The following CLSTN1 variants were observed in gnomAD, a reference collection of about 807,000 sequenced individuals.
CLSTN1 encodes the protein calsyntenin-1.
In CLSTN1, 28 loss-of-function variants were observed where a neutral mutation model predicts 108.3. The ratio of observed to expected loss-of-function variants is 0.26; its 90% CI spans 0.19 to 0.35. The LOEUF (loss-of-function observed/expected upper bound fraction) is 0.35, where lower values mean the gene tolerates loss of function less well. CLSTN1 is among the 10% of genes least tolerant of loss of function. The pLI, the probability that CLSTN1 is intolerant of heterozygous loss-of-function variation, is 1.00. For synonymous variants in CLSTN1, 524 were observed against 534.9 expected (o/e 0.98, Z 0.28); for missense variants, 1,157 against 1,302.6 (o/e 0.89, Z 1.72).
chr1:9,731,142 C>T lies in CLSTN1; in HGVS notation c.2748+64G>A, dbSNP rs529893337. 3.8e-6 allele frequency: 6 copies of T among 1,592,132 alleles called. No homozygotes were observed. The African/African-American group carries it at 4.0e-5, about 11-fold the overall frequency. On this transcript the variant is annotated intron_variant, in intron 18 of 18. Transcript: ENST00000377298. ...TGAACCTGAAGGAGCCGCGCCGTAC[C>T]GGCTTCTCGGAGGCCCTGGCCTGTG... is the stretch of plus-strand genomic sequence containing the variant.
At chr1:9,736,335 AC>A (rs1650689952) in intron 11 of CLSTN1, among the ~76,000 whole-genome samples, 1 of 152,056 alleles carries the variant, frequency 6.6e-6, no homozygotes, top group Non-Finnish European at 1.5e-5. Context: ...AAGGTGGCCT[AC>A]CCTGTTCTCA....
At chr1:9,805,198 T>A (rs76287522) in intron 1 of CLSTN1, among the ~76,000 whole-genome samples, 1 of 152,142 alleles carries the variant, frequency 6.6e-6, no homozygotes, top group Non-Finnish European at 1.5e-5. Context: ...TTGAACTAAC[T>A]CTCATTTCGT....
intron 5 of CLSTN1, chr1:9,750,305 C>T (rs116003481): frequency 0.023 from 4,147 of 183,650 alleles, 69 homozygotes; most frequent in Non-Finnish European, 0.032. Flanking sequence ...GATTTCCTAC[C>T]CCCACCTGCT....
At chr1:9,794,832 C>T (rs887527937) in intron 1 of CLSTN1, among the ~76,000 whole-genome samples, 1 of 151,396 alleles carries the variant, frequency 6.6e-6, no homozygotes, top group Non-Finnish European at 1.5e-5. Flanking sequence ...TTTCCAAGTT[C>T]TGTATGTGTT....
At chr1:9,823,973 G>C (rs959460265), upstream of CLSTN1, 1 of 156,176 alleles carries the variant, frequency 6.4e-6, no homozygotes, top group Non-Finnish European at 1.4e-5. This position sits in a 1 kb window ranked among gnomAD's most constrained non-coding sequence, Gnocchi z 6.3. Flanking sequence ...GATGGCGGCG[G>C]CGCTCTCTCT....
At chr1:9,762,726 A>G (rs1187537607) in intron 2 of CLSTN1, among the ~76,000 whole-genome samples, 1 of 150,038 alleles carries the variant, frequency 6.7e-6, no homozygotes, top group African/African-American at 2.5e-5. Context: ...TGGTGCCCGC[A>G]CTCAACGGCT....
chr1:9,806,106 A>G (rs1654495407), intron 1 of CLSTN1, among the ~76,000 whole-genome samples: 1 of 151,964 alleles, frequency 6.6e-6, no homozygotes, highest in Admixed American at 6.6e-5. Flanking sequence ...CCTGGCCAAC[A>G]TGGCCAAATC....
At chr1:9,812,473 A>T (rs965754093) in intron 1 of CLSTN1, among the ~76,000 whole-genome samples, 1 of 152,182 alleles carries the variant, frequency 6.6e-6, no homozygotes, top group Non-Finnish European at 1.5e-5. Context: ...ATACTCTGTC[A>T]TCTAGTTTTA....
At chr1:9,766,268 G>A (rs1285073444) in intron 2 of CLSTN1, among the ~76,000 whole-genome samples, 3 of 152,130 alleles carry the variant, frequency 2.0e-5, no homozygotes, top group African/African-American at 7.2e-5. Flanking sequence ...AGGAGGCACG[G>A]CTTCTGACAA....
chr1:9,754,080 TATAGGTGTGAGCC>T (rs979714917), intron 4 of CLSTN1, among the ~76,000 whole-genome samples: 5 of 152,212 alleles, frequency 3.3e-5, no homozygotes, highest in Non-Finnish European at 7.3e-5. Flanking sequence ...GTGCTGGGAT[TATAGGTGTGAGCC>T]ACTGCACCTG....
At chr1:9,813,909 C>T (rs1174123731) in intron 1 of CLSTN1, among the ~76,000 whole-genome samples, 1 of 151,420 alleles carries the variant, frequency 6.6e-6, no homozygotes, top group Non-Finnish European at 1.5e-5. Context: ...ACCATCCTGG[C>T]TAACACGATG....
intron 1 of CLSTN1, among the ~76,000 whole-genome samples, chr1:9,820,515 T>A (rs927749310): frequency 6.6e-6 from 1 of 151,950 alleles, no homozygotes; most frequent in Non-Finnish European, 1.5e-5. Flanking sequence ...TGAGACTCTG[T>A]CACAAAAACA....
chr1:9,786,918 T>C (rs1414876252), intron 1 of CLSTN1, among the ~76,000 whole-genome samples: 3 of 151,312 alleles, frequency 2.0e-5, no homozygotes, highest in African/African-American at 4.8e-5. Flanking sequence ...CCCTATGTCC[T>C]TCTCCCTGGT....
chr1:9,760,407 G>A (rs77202982), intron 2 of CLSTN1, among the ~76,000 whole-genome samples: 513 of 152,256 alleles, frequency 3.4e-3, no homozygotes, highest in Non-Finnish European at 5.7e-3. Context: ...TGAGCCATCT[G>A]CAGGGTCAGC....
Position 9,731,171 on chromosome 1 carries a change from CCT to C in CLSTN1, c.2748+33_2748+34del, listed in dbSNP as rs1490405014. ...TTCTCGGAGGCCCTGGCCTGTGCTGCCTCTCAGTCCTGGAGGTCGCCCGCCCA... is the reference window on the plus strand; with the variant it reads ...TTCTCGGAGGCCCTGGCCTGTGCTGCCTCAGTCCTGGAGGTCGCCCGCCCA... On this transcript the variant is annotated intron_variant, in intron 18 of 18. Transcript: ENST00000377298. The C allele has an allele frequency of 2.5e-6, 4 of 1,613,306 alleles. No homozygotes were observed. In the South Asian group the frequency reaches 3.3e-5, roughly 13 times the overall value.
At chr1:9,787,396 C>T (rs964513174) in intron 1 of CLSTN1, among the ~76,000 whole-genome samples, 3 of 150,144 alleles carry the variant, frequency 2.0e-5, no homozygotes, top group Non-Finnish European at 4.4e-5. Flanking sequence ...TAAAGTGAGC[C>T]TTCTAATTTT....
At chr1:9,736,167 C>T in intron 11 of CLSTN1, 125 bp from the exon 12 acceptor site, 3 of 1,128,602 alleles carry the variant, frequency 2.7e-6, no homozygotes, top group East Asian at 2.4e-5. Context: ...TTAGTTCATA[C>T]CAAGTCCTGT....
At chr1:9,757,632 C>A (rs1311195209) in intron 2 of CLSTN1, among the ~76,000 whole-genome samples, 1 of 152,160 alleles carries the variant, frequency 6.6e-6, no homozygotes. Context: ...CAAATATAAA[C>A]CCCTCTGCTA....
chr1:9,751,709 T>C, intron 4 of CLSTN1, 28 bp from the exon 5 acceptor site: 2 of 1,598,430 alleles, frequency 1.3e-6, no homozygotes, highest in Non-Finnish European at 1.7e-6. Context: ...GAAAAATATT[T>C]TTCTGCTTGT....
Sources: allele counts gnomAD v4.1 joint callset (sites outside exome capture counted in the v4.1 genomes callset), GRCh38; gene constraint gnomAD v4.1.1; non-coding constraint Gnocchi (gnomAD v3.1); transcripts MANE v1.5; gene names NCBI Gene and HGNC (gene_info 2026-07-23, HGNC 2026-07-21).